WWOX: variants seen among roughly 807,000 people sequenced by gnomAD.
WWOX encodes WW domain containing oxidoreductase.
In WWOX, 69 loss-of-function variants were observed where a neutral mutation model predicts 46.2. The ratio of observed to expected loss-of-function variants is 1.49; its 90% CI spans 1.23 to 1.82. The LOEUF (loss-of-function observed/expected upper bound fraction) is 1.82, where lower values mean the gene tolerates loss of function less well. WWOX is among the 40% of genes most tolerant of loss of function. The probability of loss-of-function intolerance (pLI) is 0.00; values close to 1 mark genes in which losing one functional copy is unlikely to be tolerated. For synonymous variants in WWOX, 359 were observed against 202.6 expected (o/e 1.77, Z -6.56); for missense variants, 919 against 542.6 (o/e 1.69, Z -6.89).
intron 5 of WWOX, among the ~76,000 whole-genome samples, chr16:78,367,775 C>A (rs573114528): frequency 6.7e-6 from 1 of 149,752 alleles, no homozygotes; most frequent in African/African-American, 2.5e-5. Context: ...CTTTTTGTTT[C>A]GAGATGGAGT....
At chr16:78,883,290 G>A (rs1225454007) in intron 8 of WWOX, among the ~76,000 whole-genome samples, 3 of 152,160 alleles carry the variant, frequency 2.0e-5, no homozygotes, top group East Asian at 1.9e-4. Context: ...CAGTAACGCA[G>A]TAACGTAGAG....
At chr16:78,484,341 T>C (rs568318571) in intron 8 of WWOX, among the ~76,000 whole-genome samples, 70 of 152,332 alleles carry the variant, frequency 4.6e-4, no homozygotes, top group African/African-American at 1.6e-3. Context: ...GATTTTTTTT[T>C]CCAAGTATAC....
intron 8 of WWOX, among the ~76,000 whole-genome samples, chr16:78,781,535 A>C (rs2050324507): frequency 6.6e-6 from 1 of 152,188 alleles, no homozygotes; most frequent in Admixed American, 6.5e-5. Flanking sequence ...GCGATGGGTT[A>C]ATACCTGTTG....
intron 8 of WWOX, among the ~76,000 whole-genome samples, chr16:78,548,353 T>C (rs2044095536): frequency 1.4e-5 from 2 of 146,012 alleles, no homozygotes; most frequent in South Asian, 2.2e-4. Context: ...AAAAAAAAAA[T>C]CCAGATTGCT....
chr16:78,507,953 C>T (rs538888617), intron 8 of WWOX, among the ~76,000 whole-genome samples: 1 of 149,756 alleles, frequency 6.7e-6, no homozygotes, highest in South Asian at 2.1e-4. Flanking sequence ...ATGCACGGAC[C>T]TTTTATGCAT....
intron 5 of WWOX, among the ~76,000 whole-genome samples, chr16:78,350,471 C>T (rs533671230): frequency 8.3e-6 from 1 of 120,926 alleles, no homozygotes; most frequent in East Asian, 1.9e-4. Context: ...CAACCTCTCT[C>T]CCAGCTCCAG....
intron 8 of WWOX, chr16:79,204,446 C>G (rs1408513942): frequency 2.6e-5 from 4 of 152,132 alleles, no homozygotes; most frequent in East Asian, 1.9e-4. Flanking sequence ...CAAAGCATGT[C>G]TAGGGTCTCA....
At chr16:79,025,161 A>G (rs1233799545) in intron 8 of WWOX, among the ~76,000 whole-genome samples, 6 of 152,008 alleles carry the variant, frequency 3.9e-5, no homozygotes, top group African/African-American at 4.8e-5. Context: ...GAGCAAGGGA[A>G]TGCGGTTCCC....
At chr16:78,583,206 G>T (rs954846495) in intron 8 of WWOX, among the ~76,000 whole-genome samples, 2 of 152,200 alleles carry the variant, frequency 1.3e-5, no homozygotes, top group Admixed American at 1.3e-4. Context: ...AACTCAGGAG[G>T]CTGCTCTATC....
At chr16:78,742,791 C>G (rs556505840) in intron 8 of WWOX, among the ~76,000 whole-genome samples, 12 of 152,244 alleles carry the variant, frequency 7.9e-5, no homozygotes, top group Non-Finnish European at 1.0e-4. Context: ...ATCTGATGTT[C>G]TTGGGAAACT....
chr16:78,616,675 A>G (rs1467372692), intron 8 of WWOX, among the ~76,000 whole-genome samples: 1 of 152,180 alleles, frequency 6.6e-6, no homozygotes, highest in East Asian at 1.9e-4. Flanking sequence ...AGGGTGAGGC[A>G]GAATTGCTTG....
intron 5 of WWOX, among the ~76,000 whole-genome samples, chr16:78,221,713 A>G (rs961252782): frequency 2.0e-5 from 3 of 152,228 alleles, no homozygotes; most frequent in African/African-American, 7.2e-5. Flanking sequence ...AAGATGTAAT[A>G]CACAGATTGC....
At chr16:79,070,145 C>A (rs17726900) in intron 8 of WWOX, among the ~76,000 whole-genome samples, 70 of 152,224 alleles carry the variant, frequency 4.6e-4, no homozygotes, top group Middle Eastern at 3.4e-3. Context: ...AGCTATTTCC[C>A]TAATACCAAG....
intron 5 of WWOX, among the ~76,000 whole-genome samples, chr16:78,334,471 T>C (rs2080833176): frequency 1.3e-5 from 2 of 152,066 alleles, no homozygotes; most frequent in African/African-American, 4.8e-5. Flanking sequence ...GCACTTTCGG[T>C]GAGGTGTTAC....
chr16:79,193,896 C>G (rs140997880), intron 8 of WWOX, among the ~76,000 whole-genome samples: 132 of 152,334 alleles, frequency 8.7e-4, no homozygotes, highest in African/African-American at 3.0e-3. Flanking sequence ...AGCTCCTTGC[C>G]TTCTGTACAA....
At chr16:78,289,276 A>G (rs1439154924) in intron 5 of WWOX, among the ~76,000 whole-genome samples, 1 of 152,184 alleles carries the variant, frequency 6.6e-6, no homozygotes, top group African/African-American at 2.4e-5. Flanking sequence ...TGGGAATGCT[A>G]AGTTGGCAAG....
At chr16:78,839,134 A>G (rs527761974) in intron 8 of WWOX, among the ~76,000 whole-genome samples, 10 of 152,286 alleles carry the variant, frequency 6.6e-5, no homozygotes, top group African/African-American at 2.4e-4. Flanking sequence ...CAAAAATAAA[A>G]ACTTTCATTA....
intron 8 of WWOX, among the ~76,000 whole-genome samples, chr16:79,066,231 C>T (rs796354144): frequency 3.3e-5 from 5 of 152,184 alleles, no homozygotes; most frequent in Admixed American, 6.5e-5. Flanking sequence ...GAGAGGCCTC[C>T]CTTAAGCCCA....
intron 8 of WWOX, among the ~76,000 whole-genome samples, chr16:79,071,470 C>G (rs2048549899): frequency 6.6e-6 from 1 of 152,160 alleles, no homozygotes; most frequent in South Asian, 2.1e-4. Context: ...TTACCCAAAC[C>G]AAGTTTCATT....
Sources: gnomAD v4.1 joint callset for allele counts (sites outside exome capture counted in the v4.1 genomes callset) on GRCh38, gnomAD v4.1.1 for gene constraint, MANE v1.5 for transcripts, NCBI Gene and HGNC (gene_info 2026-07-23, HGNC 2026-07-21) for gene names.